The following SHROOM3 variants were observed in gnomAD, a reference collection of about 807,000 sequenced individuals.
The protein encoded by SHROOM3 is shroom family member 3.
A neutral mutation model predicts 138.6 loss-of-function variants in SHROOM3; 47 were observed. That is an observed-to-expected ratio of 0.34 (90% CI 0.27 to 0.43). The LOEUF is 0.43. Among genes scored for constraint, SHROOM3 ranks in the 20% least tolerant of loss-of-function variants. SHROOM3 has a pLI of 1.00. For synonymous variants in SHROOM3, 1,062 were observed against 1,063.3 expected (o/e 1.00, Z 0.02); for missense variants, 2,491 against 2,596.5 (o/e 0.96, Z 0.88).
At position 76,754,440 on chromosome 4, in the gene SHROOM3, C is replaced by T. The variant is rs765561244; in HGVS notation, c.3957C>T (p.Thr1319=). The change falls in exon 7 of 11, where the codon ACC becomes ACT. Residue 1319 remains threonine, a synonymous_variant. Coordinates refer to ENST00000296043, the MANE Select transcript of SHROOM3 (RefSeq NM_020859.4). The part of the protein sequence containing the change: ...DSSVPSECPG[T]LDHQRQASRT... ...CCGTTCCTAGTGAATGTCCTGGAAC[C>T]CTGGACCATCAGAGGCAAGCCAGTA... 1.2e-6 allele frequency: 2 copies of T among 1,614,148 alleles called. No individual in the cohort carries two copies. Among genetic ancestry groups the T allele is most frequent in the Admixed American group, 1.7e-5 (1 of 60,024 alleles).
rs1578044531 is a variant in SHROOM3 at position 76,781,112 on chromosome 4, A to G, written c.*1935A>G. On this transcript the variant is annotated 3_prime_UTR_variant, in exon 11 of 11. Transcript: ENST00000296043. Reference sequence around the variant, plus strand: ...TGACTGGGGAACATTTTACATATTCAGTCTTTCTCAAAAATTTTTATTTAT... The same window carrying G: ...TGACTGGGGAACATTTTACATATTCGGTCTTTCTCAAAAATTTTTATTTAT... 6.6e-6 allele frequency: 1 copy of G among 152,166 alleles called. No homozygotes were observed. The highest frequency in any genetic ancestry group is 1.5e-5 in the Non-Finnish European group (1 of 68,026). The allele number at this position is 152,166 out of a possible 1,614,324, so 9.4% of individuals were successfully genotyped here.
intron 1 of SHROOM3, among the ~76,000 whole-genome samples, chr4:76,512,824 C>T (rs999375421): frequency 3.3e-5 from 5 of 152,102 alleles, no homozygotes; most frequent in Admixed American, 2.0e-4. Context: ...GAGATATGAC[C>T]AACTGGGGTG....
At chr4:76,553,698 G>A (rs531494910) in intron 1 of SHROOM3, among the ~76,000 whole-genome samples, 15 of 151,920 alleles carry the variant, frequency 9.9e-5, no homozygotes, top group African/African-American at 3.1e-4. Flanking sequence ...ACCACATTGC[G>A]CAGGGTGGTC....
At chr4:76,506,958 T>G (rs1732223999) in intron 1 of SHROOM3, among the ~76,000 whole-genome samples, 1 of 152,100 alleles carries the variant, frequency 6.6e-6, no homozygotes, top group Admixed American at 6.6e-5. Context: ...TTTGGTCCTC[T>G]CCATAATAAC....
intron 1 of SHROOM3, among the ~76,000 whole-genome samples, chr4:76,436,825 TG>T (rs1463759193): frequency 6.6e-6 from 1 of 152,238 alleles, no homozygotes; most frequent in East Asian, 1.9e-4. Context: ...ATTTATCTTT[TG>T]GTGTGGGTAG....
At chr4:76,619,456 T>C (rs960425560) in intron 2 of SHROOM3, among the ~76,000 whole-genome samples, 3 of 152,184 alleles carry the variant, frequency 2.0e-5, no homozygotes. Flanking sequence ...TGTCTTCACA[T>C]TGTAGTGAAA....
intron 2 of SHROOM3, among the ~76,000 whole-genome samples, chr4:76,695,501 A>G (rs973155634): frequency 6.6e-6 from 1 of 152,160 alleles, no homozygotes; most frequent in Non-Finnish European, 1.5e-5. Flanking sequence ...CATATTTCCT[A>G]TTTCCATTGG....
At chr4:76,530,222 G>A (rs749866212) in intron 1 of SHROOM3, among the ~76,000 whole-genome samples, 1 of 152,184 alleles carries the variant, frequency 6.6e-6, no homozygotes, top group Non-Finnish European at 1.5e-5. Flanking sequence ...TGCTGTTTCG[G>A]CAATGGGTTA....
At chr4:76,513,857 CT>C (rs970916489) in intron 1 of SHROOM3, among the ~76,000 whole-genome samples, 1 of 152,164 alleles carries the variant, frequency 6.6e-6, no homozygotes, top group Non-Finnish European at 1.5e-5. Context: ...AGACATTGAT[CT>C]TTAAAAAATG....
At chr4:76,498,773 G>A (rs1427194636) in intron 1 of SHROOM3, among the ~76,000 whole-genome samples, 1 of 152,068 alleles carries the variant, frequency 6.6e-6, no homozygotes, top group African/African-American at 2.4e-5. Context: ...TTTCCTGAAT[G>A]TTCAATAATG....
At chr4:76,508,683 G>A (rs529315844) in intron 1 of SHROOM3, among the ~76,000 whole-genome samples, 15 of 152,290 alleles carry the variant, frequency 9.8e-5, no homozygotes, top group African/African-American at 3.4e-4. Context: ...ATCAATGAAC[G>A]TGGGATGTCC....
intron 2 of SHROOM3, among the ~76,000 whole-genome samples, chr4:76,692,776 T>C (rs1355813233): frequency 2.0e-5 from 3 of 152,230 alleles, no homozygotes; most frequent in African/African-American, 7.2e-5. Flanking sequence ...AGCAATTCTA[T>C]TCATGAAGTG....
intron 1 of SHROOM3, among the ~76,000 whole-genome samples, chr4:76,480,042 G>A (rs6532414): frequency 0.63 from 95,593 of 152,094 alleles, 30,190 homozygotes; most frequent in Admixed American, 0.69. Flanking sequence ...TGTAAAGGCC[G>A]TTGACACTAT....
intron 1 of SHROOM3, among the ~76,000 whole-genome samples, chr4:76,436,970 TG>T (rs1304131898): frequency 6.6e-6 from 1 of 152,248 alleles, no homozygotes; most frequent in Non-Finnish European, 1.5e-5. Flanking sequence ...TAGATTATAA[TG>T]GCTTTTCACA....
At chr4:76,457,930 G>A (rs1012592247) in intron 1 of SHROOM3, among the ~76,000 whole-genome samples, 1 of 151,892 alleles carries the variant, frequency 6.6e-6, no homozygotes, top group Non-Finnish European at 1.5e-5. Context: ...CAAAGTGCTG[G>A]GATTACAGGT....
At chr4:76,503,153 T>C (rs1732135121) in intron 1 of SHROOM3, among the ~76,000 whole-genome samples, 1 of 110,614 alleles carries the variant, frequency 9.0e-6, no homozygotes, top group African/African-American at 3.6e-5. Flanking sequence ...ATTTTAGAAA[T>C]AGTTTGTCAA....
chr4:76,486,380 T>C (rs1731730977), intron 1 of SHROOM3, among the ~76,000 whole-genome samples: 1 of 152,220 alleles, frequency 6.6e-6, no homozygotes, highest in South Asian at 2.1e-4. Context: ...TTCATAAATA[T>C]TTGAATAAGA....
At chr4:76,633,143 G>A (rs2110074389) in intron 2 of SHROOM3, among the ~76,000 whole-genome samples, 1 of 151,934 alleles carries the variant, frequency 6.6e-6, no homozygotes, top group Non-Finnish European at 1.5e-5. Flanking sequence ...GGCTGAGGCG[G>A]GGGAATCTCT....
intron 1 of SHROOM3, among the ~76,000 whole-genome samples, chr4:76,482,739 A>G (rs1265198646): frequency 1.3e-5 from 2 of 152,188 alleles, no homozygotes; most frequent in Admixed American, 1.3e-4. Flanking sequence ...ACGCTACCTA[A>G]CTTCAAACTA....
Sources: allele counts gnomAD v4.1 joint callset (sites outside exome capture counted in the v4.1 genomes callset), GRCh38; gene constraint gnomAD v4.1.1; transcripts MANE v1.5; gene names NCBI Gene and HGNC (gene_info 2026-07-23, HGNC 2026-07-21).